CTNNA1: variants seen among roughly 807,000 people sequenced by gnomAD.
The protein encoded by CTNNA1 is catenin alpha-1.
Under a neutral mutation model 98.4 loss-of-function variants are expected in CTNNA1, and 37 were observed. That is an observed-to-expected ratio of 0.38 (90% CI 0.29 to 0.49). CTNNA1 has a LOEUF of 0.49. Ranked by LOEUF, CTNNA1 falls within the 20% of genes least tolerant of loss-of-function variation. The pLI is 0.95. For missense variants in CTNNA1, 761 were observed against 1,147.2 expected (o/e 0.66, Z 4.86); for synonymous variants, 404 against 413.2 (o/e 0.98, Z 0.27).
intron 6 of CTNNA1, among the ~76,000 whole-genome samples, chr5:138,827,106 T>A (rs1174894621): frequency 6.6e-6 from 1 of 152,230 alleles, no homozygotes; most frequent in African/African-American, 2.4e-5. Context: ...AATTTTTTTG[T>A]GGTGCAACAG....
chr5:138,766,824 G>A (rs1752988515), intron 1 of CTNNA1, among the ~76,000 whole-genome samples: 1 of 152,116 alleles, frequency 6.6e-6, no homozygotes, highest in Non-Finnish European at 1.5e-5. Flanking sequence ...CTCTGGTGAA[G>A]GCATGTCTCG....
At chr5:138,753,587 A>G (rs1176819490) in intron 1 of CTNNA1, 77 bp downstream of exon 1, 3 of 336,622 alleles carry the variant, frequency 8.9e-6, no homozygotes, top group Non-Finnish European at 1.6e-5. Flanking sequence ...GGCCGTCCCA[A>G]GCTGGGCCCC....
chr5:138,875,774 C>A, intron 7 of CTNNA1: 1 of 959,238 alleles, frequency 1.0e-6, no homozygotes, highest in Non-Finnish European at 1.2e-6. Flanking sequence ...GAAAGCTATT[C>A]AGTTGCCTTG....
intron 1 of CTNNA1, among the ~76,000 whole-genome samples, chr5:138,779,857 G>A (rs1367151442): frequency 6.6e-6 from 1 of 151,374 alleles, no homozygotes; most frequent in Admixed American, 6.6e-5. Context: ...CTGGGATTAC[G>A]GGCGTGTACC....
At position 138,872,055 on chromosome 5, in the gene CTNNA1, TGTGTGTGTGTGTGC is replaced by T. The variant is rs762687083; in HGVS notation, c.1063-14155_1063-14142del. The T allele has an allele frequency of 1.8e-3, 254 of 139,136 alleles. 1 individual carries two copies. Among genetic ancestry groups the T allele is most frequent in the Non-Finnish European group, 3.0e-3 (191 of 63,834 alleles). 8.6% of individuals were successfully genotyped at this position (139,136 alleles called of 1,614,324 possible). A position where few individuals can be genotyped will look rare whatever the true frequency, so the allele number is the denominator to read the frequency against. On this transcript the variant is annotated intron_variant, in intron 7 of 17. Coordinates refer to ENST00000302763, the MANE Select transcript of CTNNA1 (RefSeq NM_001903.5). ...GTGTGTGTGTGTGTGTGTGTGTGTG[TGTGTGTGTGTGTGC>T]GCTTTTAAATTGGAGGGAGCATGTC...
At chr5:138,916,846 C>A (rs1338116407) in intron 10 of CTNNA1, among the ~76,000 whole-genome samples, 2 of 151,934 alleles carry the variant, frequency 1.3e-5, no homozygotes, top group African/African-American at 4.8e-5. Context: ...ATGATCTCAG[C>A]TCATCACAGC....
intron 1 of CTNNA1, among the ~76,000 whole-genome samples, chr5:138,771,578 G>A (rs892905311): frequency 2.6e-5 from 4 of 151,850 alleles, no homozygotes; most frequent in Non-Finnish European, 5.9e-5. Flanking sequence ...TTGTAGAGAC[G>A]AGGCCTCTAT....
chr5:138,874,081 C>T lies in CTNNA1; in HGVS notation c.1063-12131C>T, dbSNP rs746552221. 6.2e-7 allele frequency: 1 copy of T among 1,613,896 alleles called. No individual in the cohort carries two copies. Among genetic ancestry groups the T allele is most frequent in the Non-Finnish European group, 8.5e-7 (1 of 1,179,832 alleles). On this transcript the variant is annotated intron_variant, in intron 7 of 17. Transcript: ENST00000302763. This position sits in a 1 kb window ranked among gnomAD's most constrained non-coding sequence, Gnocchi z 4.1. ...GGGAGTTGGAACGTAAATGCAAGGT[C>T]TGCAGCTTCCGAAGGCCATAGAAGA...
Position 138,873,921 on chromosome 5 carries a change from G to A in CTNNA1, c.1063-12291G>A. The stretch of plus-strand genomic sequence containing the variant: ...AAATTAATCTTCGTCAGCTGGTTGT[G>A]CTCTAGGTGAAGCTCTCTCAGTTTA... On this transcript the variant is annotated intron_variant, in intron 7 of 17. Coordinates refer to ENST00000302763, the MANE Select transcript of CTNNA1 (RefSeq NM_001903.5). The surrounding 1 kb of genome is among the most constrained non-coding windows in gnomAD (Gnocchi z 6.1). 2 of 1,614,004 alleles carry A rather than the reference G, an allele frequency of 1.2e-6. No homozygotes were observed. The highest frequency in any genetic ancestry group is 1.7e-5 in the Admixed American group (1 of 60,026).
intron 7 of CTNNA1, chr5:138,875,719 T>A (rs2149945029): frequency 1.0e-6 from 1 of 985,426 alleles, no homozygotes; most frequent in South Asian, 4.7e-5. Context: ...AAGTGCTGAT[T>A]TAACACCAGC....
chr5:138,858,935 A>G (rs1018920133), intron 7 of CTNNA1, among the ~76,000 whole-genome samples: 1 of 152,188 alleles, frequency 6.6e-6, no homozygotes, highest in African/African-American at 2.4e-5. Flanking sequence ...TGAGTTCTAC[A>G]TGCCCCTCAG....
intron 5 of CTNNA1, among the ~76,000 whole-genome samples, chr5:138,820,175 C>T (rs1041337980): frequency 6.6e-6 from 1 of 151,882 alleles, no homozygotes; most frequent in African/African-American, 2.4e-5. Flanking sequence ...GTGGCTTCCT[C>T]TCTCCTTGGC....
intron 1 of CTNNA1, among the ~76,000 whole-genome samples, chr5:138,770,649 T>G (rs1225740622): frequency 1.3e-5 from 2 of 152,168 alleles, no homozygotes; most frequent in Non-Finnish European, 2.9e-5. Context: ...TTCGCTCAGA[T>G]GTTGTCAAGA....
chr5:138,870,716 A>T (rs1765256813), intron 7 of CTNNA1: 2 of 152,334 alleles, frequency 1.3e-5, no homozygotes, highest in East Asian at 3.9e-4. Context: ...CTCAGGACAC[A>T]GTTGTGTTGT....
chr5:138,809,307 C>T (rs186929399), intron 3 of CTNNA1, among the ~76,000 whole-genome samples: 15 of 152,216 alleles, frequency 9.9e-5, no homozygotes, highest in Admixed American at 6.5e-4. Flanking sequence ...GTAAAGAGGC[C>T]GTGTGTAACC....
intron 6 of CTNNA1, among the ~76,000 whole-genome samples, chr5:138,825,482 G>GTTTTTTTGTTTTTTTT (rs1760585746): frequency 1.3e-5 from 1 of 74,114 alleles, no homozygotes; most frequent in Non-Finnish European, 2.4e-5. Context: ...AGCAGTATAA[G>GTTTTTTTGTTTTTTTT]TTTTTTTTTT....
chr5:138,862,103 G>T (rs956155874), intron 7 of CTNNA1, among the ~76,000 whole-genome samples: 1 of 152,204 alleles, frequency 6.6e-6, no homozygotes, highest in Non-Finnish European at 1.5e-5. Context: ...CTTTCATTGA[G>T]ATAGGTTAAT....
intron 7 of CTNNA1, among the ~76,000 whole-genome samples, chr5:138,849,504 A>T (rs1257333352): frequency 6.6e-6 from 1 of 152,230 alleles, no homozygotes; most frequent in African/African-American, 2.4e-5. Context: ...TTCATGTTAT[A>T]ACATTCTCTG....
chr5:138,909,796 C>T lies in CTNNA1; in HGVS notation c.1389+5355C>T, dbSNP rs1216175069. Among the ~76,000 whole-genome samples the T allele has an allele frequency of 2.0e-5, 3 of 152,180 alleles. No homozygotes were observed. The East Asian group carries it at 5.8e-4, about 29-fold the overall frequency. On this transcript the variant is annotated intron_variant, in intron 10 of 17. Transcript: ENST00000302763. ...TCATATTTGTGGCTGACATGCTTGA[C>T]ACACATCAAATAAGCATAAACTCAG...
Sources: gnomAD v4.1 joint callset for allele counts (sites outside exome capture counted in the v4.1 genomes callset) on GRCh38, gnomAD v4.1.1 for gene constraint, Gnocchi (gnomAD v3.1) non-coding constraint, MANE v1.5 for transcripts, NCBI Gene and HGNC (gene_info 2026-07-23, HGNC 2026-07-21) for gene names.